Variants in CENPE observed in about 807,000 individuals in gnomAD.
The protein encoded by CENPE is centromere protein E, also known as centromere-associated protein E.
CENPE carries 145 observed loss-of-function variants against 336.1 expected under a neutral mutation model. The ratio of observed to expected loss-of-function variants is 0.43; its 90% CI spans 0.38 to 0.50. The LOEUF is 0.50. CENPE is among the 20% of genes least tolerant of loss of function. The pLI is 0.00. For missense variants in CENPE, 2,719 were observed against 3,023.3 expected (o/e 0.90, Z 2.36); for synonymous variants, 1,013 against 984.8 (o/e 1.03, Z -0.54).
At position 103,194,752 on chromosome 4, in the gene CENPE, T is replaced by C. The variant is rs1757614966; in HGVS notation, c.478-68A>G. The C allele has an allele frequency of 3.4e-6, 4 of 1,165,894 alleles. No individual in the cohort carries two copies. In the South Asian group the frequency reaches 5.6e-5, roughly 16 times the overall value. 72.2% of individuals were successfully genotyped at this position (1,165,894 alleles called of 1,614,324 possible). ...CACAAGTTTGCTTTTCAAAAGAAGG[T>C]GCAAACTATTATAGAATTCATTTGT... On this transcript the variant is annotated intron_variant, in intron 5 of 48. Transcript: ENST00000265148.
chr4:103,147,308 G>T, intron 29 of CENPE, 48 bp downstream of exon 29: 1 of 1,471,364 alleles, frequency 6.8e-7, no homozygotes, highest in Non-Finnish European at 9.2e-7. Flanking sequence ...CACAAGCCTT[G>T]ATTCTTATAA....
At chr4:103,159,366 G>A in intron 21 of CENPE, 42 bp from the exon 22 acceptor site, 2 of 1,145,920 alleles carry the variant, frequency 1.7e-6, no homozygotes, top group East Asian at 5.8e-5. Context: ...AGCAACATAT[G>A]ATTCACTGAA....
At chr4:103,112,563 T>A (rs1465688497) in intron 46 of CENPE, among the ~76,000 whole-genome samples, 1 of 142,114 alleles carries the variant, frequency 7.0e-6, no homozygotes, top group African/African-American at 2.5e-5. Flanking sequence ...TGTGTATGTA[T>A]GTATATATAC....
chr4:103,114,362 C>T (rs1056474785), intron 46 of CENPE, 93 bp downstream of exon 46: 4 of 712,324 alleles, frequency 5.6e-6, no homozygotes, highest in African/African-American at 3.5e-5. Context: ...TGTTTACTCT[C>T]GACTGTCACA....
chr4:103,183,022 T>C, intron 10 of CENPE, 131 bp from the exon 11 acceptor site: 1 of 937,042 alleles, frequency 1.1e-6, no homozygotes, highest in Non-Finnish European at 1.5e-6. Context: ...ATGAGGCAGA[T>C]TAAAACTACT....
At chr4:103,190,448 T>TA (rs1686963804) in intron 8 of CENPE, among the ~76,000 whole-genome samples, 1 of 152,090 alleles carries the variant, frequency 6.6e-6, no homozygotes, top group Non-Finnish European at 1.5e-5. Context: ...AACAGAGATA[T>TA]AGACCAATGG....
At chr4:103,175,266 A>G (rs1224053093) in intron 15 of CENPE, among the ~76,000 whole-genome samples, 1 of 151,964 alleles carries the variant, frequency 6.6e-6, no homozygotes, top group Non-Finnish European at 1.5e-5. Flanking sequence ...TTCTAAAGCT[A>G]ATGACAACTG....
chr4:103,139,940 A>T lies in CENPE; in HGVS notation c.6053T>A (p.Met2018Lys). 6.2e-7 allele frequency: 1 copy of T among 1,613,412 alleles called. No homozygotes were observed. The highest frequency in any genetic ancestry group is 8.5e-7 in the Non-Finnish European group (1 of 1,179,662). The part of the protein sequence containing the change: ...AQNLSMQSVR[M>K]DNFQLTKKLH... ...TTTCTTAGTCAACTGGAAGTTATCC[A>T]TTCTCACACTTTGCATAGATAAGTT... is the stretch of plus-strand genomic sequence containing the variant. The change falls in exon 38 of 49, where the codon ATG (methionine) becomes AAG (lysine). Residue 2018 changes from methionine (M) to lysine (K), a missense_variant. Met to Lys is a moderately conservative substitution (Grantham distance 95). Coordinates refer to ENST00000265148, the MANE Select transcript of CENPE (RefSeq NM_001813.3).
intron 43 of CENPE, among the ~76,000 whole-genome samples, chr4:103,121,606 T>G (rs1750628740): frequency 6.6e-6 from 1 of 151,066 alleles, no homozygotes; most frequent in Non-Finnish European, 1.5e-5. Flanking sequence ...TGGTGTGCAG[T>G]GGCATGATCA....
chr4:103,195,293 C>T (rs1757653523), intron 4 of CENPE, 60 bp from the exon 5 acceptor site: 6 of 1,454,820 alleles, frequency 4.1e-6, no homozygotes, highest in Non-Finnish European at 5.6e-6. Context: ...AAACCTAATG[C>T]TAAATGCTCA....
At chr4:103,184,863 A>G (rs79353162) in intron 9 of CENPE, among the ~76,000 whole-genome samples, 1,706 of 152,276 alleles carry the variant, frequency 0.011, 8 homozygotes, top group Non-Finnish European at 0.019. Flanking sequence ...TTAAACATGA[A>G]AATGTACTCT....
Position 103,145,366 on chromosome 4 carries a change from C to A in CENPE, c.4573-32G>T, listed in dbSNP as rs1050736300. 1.2e-5 allele frequency: 17 copies of A among 1,424,040 alleles called. No homozygotes were observed. The African/African-American group carries it at 2.3e-4, about 19-fold the overall frequency. The allele number at this position is 1,424,040 out of a possible 1,614,324, so 88.2% of individuals were successfully genotyped here. A position where few individuals can be genotyped will look rare whatever the true frequency, so the allele number is the denominator to read the frequency against. ...CATAATTATAAAATAAGTTAATAGT[C>A]ATAAAAATATGTAAACACACACACA... On this transcript the variant is annotated intron_variant, in intron 31 of 48. Coordinates refer to ENST00000265148, the MANE Select transcript of CENPE (RefSeq NM_001813.3).
In CENPE at chr4:103,145,270, T is replaced by A; in HGVS notation, c.4637A>T (p.Lys1546Ile). Residue 1546 changes from lysine (K) to isoleucine (I), a missense_variant, in exon 32 of 49, where the codon AAA becomes ATA. Physicochemically the swap from Lys to Ile is moderately radical, Grantham distance 102. Around this residue, in one of 5 missense-constraint regions of CENPE, gnomAD observed 2,437 missense variants for 2,513.3 expected, o/e 0.97. Transcript: ENST00000265148. Reference protein sequence around the residue: ...NIKQISEVQEKVNELKQFKEH... With the variant: ...NIKQISEVQEIVNELKQFKEH... The stretch of plus-strand genomic sequence containing the variant: ...CTTGAATTGTTTCAGTTCATTCACT[T>A]TTTCCTGAACCTCACTAATTTGTTT... 1 of 1,610,726 alleles carries A rather than the reference T, an allele frequency of 6.2e-7. No homozygotes were observed. Among genetic ancestry groups the A allele is most frequent in the Non-Finnish European group, 8.5e-7 (1 of 1,177,374 alleles).
chr4:103,120,425 G>T, intron 43 of CENPE, 92 bp from the exon 44 acceptor site: 1 of 1,079,038 alleles, frequency 9.3e-7, no homozygotes. Context: ...TTTAGATATT[G>T]TTAATTTTTC....
chr4:103,110,779 T>G (rs1017445154), intron 47 of CENPE, 49 bp downstream of exon 47: 2 of 1,417,536 alleles, frequency 1.4e-6, no homozygotes, highest in Admixed American at 4.7e-5. Flanking sequence ...TCCCTACATA[T>G]ATGTAATAGC....
chr4:103,148,888 T>G lies in CENPE; in HGVS notation c.3799A>C (p.Asn1267His), dbSNP rs368244019. ...SVSEKTAQIINTQDLEKSHTK... is the reference protein window; with the variant it reads ...SVSEKTAQIIHTQDLEKSHTK... ...TGGGATTTTTCTAAGTCCTGAGTAT[T>G]TATTATTTGAGCTGTCTTCTCAGAT... Residue 1267 changes from asparagine to histidine, a missense_variant, in exon 28 of 49, where the codon AAT becomes CAT. Physicochemically the swap from Asn to His is moderately conservative, Grantham distance 68. Transcript: ENST00000265148. 1.2e-5 allele frequency: 20 copies of G among 1,613,474 alleles called. No individual in the cohort carries two copies. Among genetic ancestry groups the G allele is most frequent in the Non-Finnish European group, 1.5e-5 (18 of 1,179,666 alleles).
chr4:103,141,856 T>C lies in CENPE; in HGVS notation c.5357A>G (p.Gln1786Arg), dbSNP rs776806995. The C allele has an allele frequency of 1.2e-6, 2 of 1,603,928 alleles. No homozygotes were observed. The highest frequency in any genetic ancestry group is 1.1e-5 in the South Asian group (1 of 89,854). ...TCTGAGTTTGTCAATAGTTTCCTGC[T>C]GCTCTTTCAGATGCATGTGAGCAAT... The part of the protein sequence containing the change: ...LRIAHMHLKE[Q>R]QETIDKLRGI... Residue 1786 changes from glutamine to arginine, a missense_variant, in exon 35 of 49, where the codon CAG becomes CGG. Coordinates refer to ENST00000265148, the MANE Select transcript of CENPE (RefSeq NM_001813.3).
At chr4:103,138,938 G>A (rs1752305265) in intron 38 of CENPE, among the ~76,000 whole-genome samples, 1 of 152,258 alleles carries the variant, frequency 6.6e-6, no homozygotes, top group South Asian at 2.1e-4. Flanking sequence ...TTATTCACTT[G>A]TAGTTTTAAC....
At chr4:103,156,455 A>C (rs1277913494) in intron 24 of CENPE, among the ~76,000 whole-genome samples, 2 of 152,212 alleles carry the variant, frequency 1.3e-5, no homozygotes, top group Non-Finnish European at 2.9e-5. Flanking sequence ...TATCTTCAAC[A>C]AGGATGCCAA....
Sources: gnomAD v4.1 joint callset for allele counts (sites outside exome capture counted in the v4.1 genomes callset) on GRCh38, gnomAD v4.1.1 for gene constraint, gnomAD v4.1.1 regional missense constraint, MANE v1.5 for transcripts, NCBI Gene and HGNC (gene_info 2026-07-23, HGNC 2026-07-21) for gene names.